Variants in MED13L observed in about 807,000 individuals in gnomAD.
MED13L encodes the protein mediator of RNA polymerase II transcription subunit 13-like.
In MED13L, 7 loss-of-function variants were observed where a neutral mutation model predicts 220.9. The observed-to-expected ratio is 0.03, with a 90% confidence interval of 0.02 to 0.06. The LOEUF (loss-of-function observed/expected upper bound fraction) is 0.06. Ranked by LOEUF, MED13L falls within the 10% of genes least tolerant of loss-of-function variation. The pLI, the probability that MED13L is intolerant of heterozygous loss-of-function variation, is 1.00. For synonymous variants in MED13L, 1,011 were observed against 1,015.2 expected (o/e 1.00, Z 0.08); for missense variants, 1,965 against 2,760.5 (o/e 0.71, Z 6.46).
At chr12:116,158,151 GA>G (rs753715015) in intron 2 of MED13L, among the ~76,000 whole-genome samples, 1,531 of 128,692 alleles carry the variant, frequency 0.012, 24 homozygotes, top group African/African-American at 0.038. Context: ...AATTCAAGGG[GA>G]AAAAAAAAAA....
At chr12:116,271,484 C>T (rs147967207) in intron 1 of MED13L, among the ~76,000 whole-genome samples, 22,751 of 151,772 alleles carry the variant, frequency 0.15, 1,929 homozygotes, top group Middle Eastern at 0.22. Context: ...GTCCCAGCTA[C>T]TCGGGAGGCT....
At chr12:116,096,073 G>A (rs1210635616) in intron 4 of MED13L, among the ~76,000 whole-genome samples, 1 of 152,022 alleles carries the variant, frequency 6.6e-6, no homozygotes, top group East Asian at 1.9e-4. Flanking sequence ...CAATGATGAG[G>A]CCGGGCGCAA....
At position 116,005,136 on chromosome 12, in the gene MED13L, T is replaced by C. The variant is rs560074870; in HGVS notation, c.2469+733A>G. Among the ~76,000 whole-genome samples, 45 of 151,918 alleles carry C rather than the reference T, an allele frequency of 3.0e-4. 1 individual carries two copies. Among genetic ancestry groups the C allele is most frequent in the African/African-American group, 1.1e-3 (45 of 41,418 alleles). ...TATGTAAAACAGATGAATAGGGAGGTAGATAAGTGAATGAATGAAAGAAAA... is the reference window on the plus strand; with the variant it reads ...TATGTAAAACAGATGAATAGGGAGGCAGATAAGTGAATGAATGAAAGAAAA... On this transcript the variant is annotated intron_variant, in intron 13 of 30. Coordinates refer to ENST00000281928, the MANE Select transcript of MED13L (RefSeq NM_015335.5).
At chr12:116,247,840 A>C (rs1185593386) in intron 1 of MED13L, among the ~76,000 whole-genome samples, 2 of 152,210 alleles carry the variant, frequency 1.3e-5, no homozygotes, top group African/African-American at 4.8e-5. Flanking sequence ...ATAAGGGCTC[A>C]GAGGTTTTAT....
At chr12:116,111,705 G>A (rs958960113) in intron 2 of MED13L, among the ~76,000 whole-genome samples, 193 bp from the exon 3 acceptor site, 6 of 152,092 alleles carry the variant, frequency 3.9e-5, no homozygotes, top group Admixed American at 2.6e-4. Context: ...ACAAAAAAAA[G>A]TAATGTGTCT....
intron 4 of MED13L, among the ~76,000 whole-genome samples, chr12:116,090,346 C>T (rs1872090927): frequency 6.6e-6 from 1 of 152,176 alleles, no homozygotes; most frequent in Non-Finnish European, 1.5e-5. Flanking sequence ...AGTATCGTTA[C>T]TCAAGTTAAC....
rs569209799 is a variant in MED13L at position 116,019,529 on chromosome 12, T to C, written c.821-117A>G. ...GCTCATGAAGTACTGCCAAAAGTGATAGGCTCCATTCTTTCATAAGTTAAT... is the reference window on the plus strand; with the variant it reads ...GCTCATGAAGTACTGCCAAAAGTGACAGGCTCCATTCTTTCATAAGTTAAT... On this transcript the variant is annotated intron_variant, in intron 6 of 30. Transcript: ENST00000281928. The C allele has an allele frequency of 1.8e-5, 22 of 1,217,676 alleles. No individual in the cohort carries two copies. In the East Asian group the frequency reaches 3.5e-4, roughly 19 times the overall value. 75.4% of individuals were successfully genotyped at this position (1,217,676 alleles called of 1,614,324 possible).
chr12:116,040,433 C>T (rs1248127148), intron 4 of MED13L, among the ~76,000 whole-genome samples: 1 of 152,092 alleles, frequency 6.6e-6, no homozygotes, highest in Non-Finnish European at 1.5e-5. Flanking sequence ...TAGTAACTAA[C>T]AATAAATGAA....
At chr12:116,210,414 G>A (rs921639941) in intron 2 of MED13L, among the ~76,000 whole-genome samples, 1 of 151,656 alleles carries the variant, frequency 6.6e-6, no homozygotes, top group African/African-American at 2.4e-5. Flanking sequence ...AAACCTCTGA[G>A]AGCATTTAAT....
intron 4 of MED13L, among the ~76,000 whole-genome samples, chr12:116,066,408 TC>T (rs1032489827): frequency 6.6e-6 from 1 of 152,198 alleles, no homozygotes; most frequent in African/African-American, 2.4e-5. Context: ...GGATTTATTT[TC>T]ATGGGATTAA....
chr12:116,098,116 C>T (rs541514648), intron 3 of MED13L, among the ~76,000 whole-genome samples: 31 of 151,918 alleles, frequency 2.0e-4, no homozygotes, highest in African/African-American at 6.5e-4. Flanking sequence ...CGTGGTGGTG[C>T]GCGCCTGTAA....
intron 1 of MED13L, among the ~76,000 whole-genome samples, chr12:116,244,035 T>C (rs780460050): frequency 2.0e-5 from 3 of 151,860 alleles, no homozygotes; most frequent in African/African-American, 4.8e-5. Flanking sequence ...ATTGAAAGAG[T>C]CCTCAGAAGT....
chr12:116,059,437 G>A (rs1434936418), intron 4 of MED13L, among the ~76,000 whole-genome samples: 4 of 140,486 alleles, frequency 2.8e-5, no homozygotes, highest in Admixed American at 2.2e-4. Context: ...TTTTTTTGGT[G>A]AGGAGTTTCC....
chr12:116,131,637 A>ATATG (rs1437678433), intron 2 of MED13L, among the ~76,000 whole-genome samples: 4 of 152,188 alleles, frequency 2.6e-5, no homozygotes. Context: ...TTATGTATAT[A>ATATG]CATATGTTTT....
At chr12:116,222,957 GA>G (rs1868586084) in intron 2 of MED13L, among the ~76,000 whole-genome samples, 1 of 152,200 alleles carries the variant, frequency 6.6e-6, no homozygotes, top group Admixed American at 6.5e-5. Flanking sequence ...GACACTTACA[GA>G]AGCCAGTAAT....
intron 2 of MED13L, among the ~76,000 whole-genome samples, chr12:116,156,175 A>G (rs529169962): frequency 6.6e-6 from 1 of 152,118 alleles, no homozygotes; most frequent in South Asian, 2.1e-4. Flanking sequence ...GCAATATGTT[A>G]AGGTTCAAGT....
intron 2 of MED13L, among the ~76,000 whole-genome samples, chr12:116,120,477 T>TCACA (rs1158069310): frequency 0.023 from 1,812 of 79,432 alleles, 22 homozygotes; most frequent in Middle Eastern, 0.048. Flanking sequence ...TCTCTCTCTC[T>TCACA]CACACACACA....
At chr12:116,127,403 A>G (rs1875686026) in intron 2 of MED13L, among the ~76,000 whole-genome samples, 1 of 152,222 alleles carries the variant, frequency 6.6e-6, no homozygotes, top group Non-Finnish European at 1.5e-5. Flanking sequence ...GTGTGCTTAA[A>G]TATCTGTAAT....
chr12:116,162,253 C>T (rs1370553274), intron 2 of MED13L, among the ~76,000 whole-genome samples: 2 of 152,152 alleles, frequency 1.3e-5, no homozygotes, highest in Non-Finnish European at 2.9e-5. Context: ...AGCTTATTTT[C>T]CCCATTGTTA....
Sources: allele counts gnomAD v4.1 joint callset (sites outside exome capture counted in the v4.1 genomes callset), GRCh38; gene constraint gnomAD v4.1.1; transcripts MANE v1.5; gene names NCBI Gene and HGNC (gene_info 2026-07-23, HGNC 2026-07-21).